Variants in SMYD3 observed in about 807,000 individuals in gnomAD.
The protein encoded by SMYD3 is histone-lysine N-methyltransferase SMYD3.
A neutral mutation model predicts 57.7 loss-of-function variants in SMYD3; 36 were observed. The observed-to-expected ratio is 0.62, with a 90% CI of 0.48 to 0.82. SMYD3 has a LOEUF of 0.82. Ranked by LOEUF, SMYD3 falls within the 40% of genes least tolerant of loss-of-function variation. The pLI is 0.00. For synonymous variants in SMYD3, 211 were observed against 195.0 expected (o/e 1.08, Z -0.68); for missense variants, 515 against 538.8 (o/e 0.96, Z 0.44).
At chr1:245,884,623 T>C (rs935804872) in intron 8 of SMYD3, among the ~76,000 whole-genome samples, 1 of 152,090 alleles carries the variant, frequency 6.6e-6, no homozygotes, top group African/African-American at 2.4e-5. Context: ...GTACACGTGA[T>C]TGACAAAAGG....
intron 5 of SMYD3, among the ~76,000 whole-genome samples, chr1:246,318,555 C>A (rs1317671835): frequency 6.6e-6 from 1 of 152,150 alleles, no homozygotes; most frequent in African/African-American, 2.4e-5. Context: ...CCTGGCTCCA[C>A]GTAATTGCAT....
At chr1:245,776,568 T>G (rs2046607125) in intron 10 of SMYD3, among the ~76,000 whole-genome samples, 2 of 152,232 alleles carry the variant, frequency 1.3e-5, no homozygotes, top group African/African-American at 2.4e-5. Context: ...GACATAGATT[T>G]CAGTAGTGTT....
intron 5 of SMYD3, among the ~76,000 whole-genome samples, chr1:246,218,751 C>T (rs1490066050): frequency 4.6e-5 from 7 of 152,032 alleles, no homozygotes; most frequent in Non-Finnish European, 1.0e-4. Context: ...AATTATTTAA[C>T]AAAACAAAAA....
At chr1:246,121,895 T>C (rs1572061641) in intron 5 of SMYD3, among the ~76,000 whole-genome samples, 1 of 152,114 alleles carries the variant, frequency 6.6e-6, no homozygotes, top group Non-Finnish European at 1.5e-5. Flanking sequence ...AAATAAAATA[T>C]CACAAGATAA....
intron 1 of SMYD3, among the ~76,000 whole-genome samples, chr1:246,487,034 A>G (rs771277916): frequency 6.6e-6 from 1 of 152,256 alleles, no homozygotes; most frequent in Non-Finnish European, 1.5e-5. Flanking sequence ...ACTATACTGA[A>G]GAATTTTGTT....
intron 5 of SMYD3, among the ~76,000 whole-genome samples, chr1:246,286,441 A>C (rs1204667376): frequency 1.3e-5 from 2 of 152,164 alleles, no homozygotes; most frequent in Non-Finnish European, 1.5e-5. Context: ...AATTTCTTTA[A>C]AATTCATCAT....
intron 8 of SMYD3, among the ~76,000 whole-genome samples, chr1:245,915,166 G>T (rs570842537): frequency 7.2e-4 from 110 of 152,206 alleles, no homozygotes; most frequent in African/African-American, 2.5e-3. Flanking sequence ...GTAAAACTTG[G>T]TATGTTGTTT....
At chr1:246,493,770 A>C (rs184532355) in intron 1 of SMYD3, among the ~76,000 whole-genome samples, 1 of 147,478 alleles carries the variant, frequency 6.8e-6, no homozygotes, top group Non-Finnish European at 1.5e-5. Context: ...ACCACAGAGC[A>C]GTACTGTCAC....
chr1:246,101,682 TC>T (rs1212509302), intron 5 of SMYD3, among the ~76,000 whole-genome samples: 1 of 152,278 alleles, frequency 6.6e-6, no homozygotes, highest in African/African-American at 2.4e-5. Flanking sequence ...TCAAGTTATT[TC>T]ATTTTGCTTC....
chr1:245,910,879 C>A (rs10802296), intron 8 of SMYD3, among the ~76,000 whole-genome samples: 100,993 of 151,888 alleles, frequency 0.66, 40,135 homozygotes, highest in Non-Finnish European at 0.89. Flanking sequence ...CACAGGCAAC[C>A]AAAGCAAATA....
chr1:246,117,245 G>C (rs1005187718), intron 5 of SMYD3, among the ~76,000 whole-genome samples: 1 of 152,180 alleles, frequency 6.6e-6, no homozygotes, highest in African/African-American at 2.4e-5. Context: ...ATCATTTTTA[G>C]AATTTAATAA....
chr1:246,115,521 A>G (rs2061329019), intron 5 of SMYD3, among the ~76,000 whole-genome samples: 1 of 152,214 alleles, frequency 6.6e-6, no homozygotes, highest in African/African-American at 2.4e-5. Context: ...TGAGGGATAC[A>G]AAAATAGCTA....
intron 5 of SMYD3, among the ~76,000 whole-genome samples, chr1:245,952,147 A>G (rs1329917779): frequency 6.6e-6 from 1 of 152,246 alleles, no homozygotes; most frequent in Non-Finnish European, 1.5e-5. Flanking sequence ...AATAAAGATG[A>G]GTATCTATCA....
At chr1:246,427,558 C>T (rs984063069) in intron 1 of SMYD3, among the ~76,000 whole-genome samples, 3 of 151,534 alleles carry the variant, frequency 2.0e-5, no homozygotes, top group African/African-American at 7.3e-5. Flanking sequence ...TGTGAGCATA[C>T]ATACATTTAA....
chr1:245,796,017 C>A (rs896183438), intron 10 of SMYD3, among the ~76,000 whole-genome samples: 2 of 152,274 alleles, frequency 1.3e-5, no homozygotes, highest in Admixed American at 6.5e-5. Context: ...GTCACAAGAT[C>A]GCCCAAACCA....
intron 5 of SMYD3, among the ~76,000 whole-genome samples, chr1:246,200,515 C>A (rs1388567862): frequency 6.7e-6 from 1 of 148,966 alleles, no homozygotes; most frequent in Admixed American, 6.7e-5. Context: ...ATAGTGTAGA[C>A]GCTGAGAAAG....
chr1:246,042,261 T>A (rs550856294), intron 5 of SMYD3, among the ~76,000 whole-genome samples: 1 of 152,152 alleles, frequency 6.6e-6, no homozygotes, highest in Non-Finnish European at 1.5e-5. Flanking sequence ...TTTCTCTGGA[T>A]TCACAGATAT....
chr1:246,125,739 G>A (rs375751527), intron 5 of SMYD3, among the ~76,000 whole-genome samples: 7 of 152,148 alleles, frequency 4.6e-5, no homozygotes, highest in East Asian at 3.9e-4. Flanking sequence ...ATGTGATGAC[G>A]ATCAGAAGTG....
chr1:245,912,503 G>C (rs942863294), intron 8 of SMYD3, among the ~76,000 whole-genome samples: 1 of 151,858 alleles, frequency 6.6e-6, no homozygotes, highest in Admixed American at 6.6e-5. Context: ...TAGAACTAAT[G>C]ATCCTAAAAT....
Sources: gnomAD v4.1 joint callset for allele counts (sites outside exome capture counted in the v4.1 genomes callset) on GRCh38, gnomAD v4.1.1 for gene constraint, MANE v1.5 for transcripts, NCBI Gene and HGNC (gene_info 2026-07-23, HGNC 2026-07-21) for gene names.